The following SPNS3 variants were observed in gnomAD, a reference collection of about 807,000 sequenced individuals.
The protein encoded by SPNS3 is protein spinster homolog 3.
Under a neutral mutation model 54.4 loss-of-function variants are expected in SPNS3, and 51 were observed. The observed-to-expected ratio is 0.94, with a 90% CI of 0.75 to 1.18. The LOEUF (loss-of-function observed/expected upper bound fraction) is 1.18. Among genes scored for constraint, SPNS3 ranks in the 50% most tolerant of loss-of-function variants. The probability of loss-of-function intolerance (pLI) is 0.00; values close to 1 mark genes in which losing one functional copy is unlikely to be tolerated. For synonymous variants in SPNS3, 309 were observed against 294.7 expected (o/e 1.05, Z -0.50); for missense variants, 669 against 677.4 (o/e 0.99, Z 0.14).
At chr17:4,463,396 CAAAA>C (rs368770425) in intron 8 of SPNS3, among the ~76,000 whole-genome samples, 3 of 122,170 alleles carry the variant, frequency 2.5e-5, no homozygotes, top group South Asian at 2.8e-4. Context: ...GACTCTGTCT[CAAAA>C]AAAAAAAAAA....
In SPNS3 at chr17:4,447,013, G is replaced by A. The variant is rs1189535053; in HGVS notation, c.621+51G>A. 4 of 1,604,724 alleles carry A rather than the reference G, an allele frequency of 2.5e-6. No individual in the cohort carries two copies. The African/African-American group carries it at 5.4e-5, about 21-fold the overall frequency. On this transcript the variant is annotated intron_variant, in intron 5 of 11. Coordinates refer to ENST00000355530, the MANE Select transcript of SPNS3 (RefSeq NM_182538.5). Reference sequence around the variant, plus strand: ...TCTGCTTTCCCTCTGGACCGGCAGGGACTTTCCAGCCTTGGGTGACCTTAG... The same window carrying A: ...TCTGCTTTCCCTCTGGACCGGCAGGAACTTTCCAGCCTTGGGTGACCTTAG...
intron 9 of SPNS3, among the ~76,000 whole-genome samples, chr17:4,482,829 C>G (rs1286200009): frequency 2.6e-5 from 4 of 152,206 alleles, no homozygotes; most frequent in African/African-American, 9.6e-5. Context: ...CCAGCTCACC[C>G]CAATCCCCCT....
intron 6 of SPNS3, among the ~76,000 whole-genome samples, 175 bp from the exon 7 acceptor site, chr17:4,449,060 C>T (rs769257492): frequency 3.9e-5 from 6 of 152,074 alleles, no homozygotes; most frequent in South Asian, 2.1e-4. Context: ...TCTTCTTCTT[C>T]GGAGCCTCAG....
rs1567563960 is a variant in SPNS3, at chr17:4,458,619, T to TTCTTTCTG, written c.1113+5421_1113+5422insGTCTTTCT. On this transcript the variant is annotated intron_variant, in intron 8 of 11. Coordinates refer to ENST00000355530, the MANE Select transcript of SPNS3 (RefSeq NM_182538.5). ...TTTCTTTCTTTCTTTCTTTCTTTCT[T>TTCTTTCTG]TCTTTCTTTCTTTCTTTCTTTCTTT... Among the ~76,000 whole-genome samples, 49 of 119,610 alleles carry TTCTTTCTG rather than the reference T, an allele frequency of 4.1e-4. 2 individuals are homozygous for TTCTTTCTG. In the East Asian group the frequency reaches 8.6e-3, roughly 21 times the overall value. The allele number at this position is 119,610 out of a possible 152,430, so 78.5% of individuals were successfully genotyped here.
chr17:4,439,911 T>C (rs571196691), intron 2 of SPNS3, among the ~76,000 whole-genome samples, 188 bp downstream of exon 2: 1 of 152,142 alleles, frequency 6.6e-6, no homozygotes, highest in East Asian at 1.9e-4. Flanking sequence ...ACAGCCATGG[T>C]AGTTTGAGTG....
chr17:4,466,760 G>A (rs565535845), intron 8 of SPNS3, among the ~76,000 whole-genome samples: 6 of 152,138 alleles, frequency 3.9e-5, no homozygotes, highest in African/African-American at 7.2e-5. Context: ...CAGGAGAATC[G>A]CTGGAACATG....
At chr17:4,471,349 A>G (rs563716527) in intron 8 of SPNS3, among the ~76,000 whole-genome samples, 12 of 152,052 alleles carry the variant, frequency 7.9e-5, no homozygotes, top group Admixed American at 4.6e-4. Context: ...TTTTGCTTCA[A>G]CTCCTAACTG....
At chr17:4,468,166 C>T (rs1971734100) in intron 8 of SPNS3, among the ~76,000 whole-genome samples, 1 of 152,184 alleles carries the variant, frequency 6.6e-6, no homozygotes, top group African/African-American at 2.4e-5. Context: ...ACAGGCTGGG[C>T]GTGGAGGCGC....
At chr17:4,448,073 ATACTGTGGCCAGTTGCC>A in intron 5 of SPNS3, 65 bp from the exon 6 acceptor site, 1 of 1,383,200 alleles carries the variant, frequency 7.2e-7, no homozygotes. Context: ...CCACTGGCTG[ATACTGTGGCCAGTTGCC>A]CCCGGGGGTC....
intron 1 of SPNS3, among the ~76,000 whole-genome samples, chr17:4,439,215 C>G (rs1458945354): frequency 6.6e-6 from 1 of 151,968 alleles, no homozygotes; most frequent in Non-Finnish European, 1.5e-5. Context: ...CCTCCACCTC[C>G]CAGGCTCAAG....
At chr17:4,467,176 G>GTCT (rs1971698590) in intron 8 of SPNS3, among the ~76,000 whole-genome samples, 1 of 152,046 alleles carries the variant, frequency 6.6e-6, no homozygotes, top group South Asian at 2.1e-4. Flanking sequence ...GGGAGTGAGG[G>GTCT]TGCGGATTAT....
chr17:4,448,319 A>AC lies in SPNS3; in HGVS notation c.770+21dup. ...TGGGGAAAAAGTGAGTATCCCTGCT[A>AC]CCCCCTGCAAGGCACAGAAAAGCCC... is the stretch of plus-strand genomic sequence containing the variant. On this transcript the variant is annotated intron_variant, in intron 6 of 11. Transcript: ENST00000355530. 1 of 1,521,744 alleles carries AC rather than the reference A, an allele frequency of 6.6e-7. No individual in the cohort carries two copies. Among genetic ancestry groups the AC allele is most frequent in the African/African-American group, 1.4e-5 (1 of 71,200 alleles). 94.3% of individuals were successfully genotyped at this position (1,521,744 alleles called of 1,614,324 possible).
At chr17:4,478,489 C>T (rs76328594) in intron 8 of SPNS3, 83 bp from the exon 9 acceptor site, 13,191 of 1,268,466 alleles carry the variant, frequency 0.01, 98 homozygotes, top group Non-Finnish European at 0.013. Flanking sequence ...GTCCCAGTCT[C>T]TCCTCTCCAC....
At chr17:4,442,017 T>TGTGTGTGTGTGTG (rs10692534) in intron 2 of SPNS3, among the ~76,000 whole-genome samples, 117 of 150,588 alleles carry the variant, frequency 7.8e-4, no homozygotes, top group South Asian at 2.1e-3. Flanking sequence ...TGTGTGTGTG[T>TGTGTGTGTGTGTG]TTGGCAGTAG....
Position 4,487,798 on chromosome 17 carries a change from T to G in SPNS3, c.1451-8T>G, listed in dbSNP as rs1169326952. 1.2e-6 allele frequency: 2 copies of G among 1,613,574 alleles called. No homozygotes were observed. The highest frequency in any genetic ancestry group is 1.7e-5 in the Admixed American group (1 of 60,010). On this transcript the variant is annotated splice_polypyrimidine_tract_variant and splice_region_variant and intron_variant, in intron 11 of 11. Coordinates refer to ENST00000355530, the MANE Select transcript of SPNS3 (RefSeq NM_182538.5). ...CTTCGGGCAGGCTGAGCATCTTTCC[T>G]CCTGCAGGGACCCCAGACAGCAATG...
rs1233238512 is a variant in SPNS3 at position 4,439,473 on chromosome 17, T to C, written c.200-185T>C. 2.0e-5 allele frequency among the ~76,000 whole-genome samples: 3 copies of C among 152,142 alleles called. No homozygotes were observed. The East Asian group carries it at 5.8e-4, about 29-fold the overall frequency. ...TGTTTGAAATGCACACGTTTCTCTG[T>C]GTGCCTGCTCTTGTGTGTGTGGTTG... On this transcript the variant is annotated intron_variant, in intron 1 of 11. Coordinates refer to ENST00000355530, the MANE Select transcript of SPNS3 (RefSeq NM_182538.5).
intron 2 of SPNS3, 141 bp downstream of exon 2, chr17:4,439,864 A>T: frequency 1.4e-6 from 1 of 738,366 alleles, no homozygotes; most frequent in Non-Finnish European, 2.3e-6. Flanking sequence ...GGCCTGAGGG[A>T]CAGTCTAGGC....
intron 2 of SPNS3, among the ~76,000 whole-genome samples, chr17:4,440,878 T>G (rs1970831609): frequency 6.6e-6 from 1 of 152,170 alleles, no homozygotes. Context: ...TGTCTACTAT[T>G]TATCTACAAA....
intron 8 of SPNS3, among the ~76,000 whole-genome samples, chr17:4,465,057 A>G (rs1310977216): frequency 6.6e-6 from 1 of 152,242 alleles, no homozygotes; most frequent in African/African-American, 2.4e-5. Flanking sequence ...TTTGCTCACA[A>G]ATTTGCAGTT....
Sources: gnomAD v4.1 joint callset for allele counts (sites outside exome capture counted in the v4.1 genomes callset) on GRCh38, gnomAD v4.1.1 for gene constraint, MANE v1.5 for transcripts, NCBI Gene and HGNC (gene_info 2026-07-23, HGNC 2026-07-21) for gene names.